Variants in CHODL observed in about 807,000 individuals in gnomAD.
CHODL encodes the protein chondrolectin.
A neutral mutation model predicts 34.5 loss-of-function variants in CHODL; 29 were observed. The observed-to-expected ratio is 0.84, with a 90% confidence interval of 0.63 to 1.15. CHODL has a LOEUF of 1.15. CHODL is among the 50% of genes most tolerant of loss of function. The pLI is 0.00. For synonymous variants in CHODL, 125 were observed against 116.1 expected (o/e 1.08, Z -0.49); for missense variants, 332 against 332.5 (o/e 1.00, Z 0.01).
At chr21:18,084,878 C>T (rs184541862) in intron 2 of CHODL, among the ~76,000 whole-genome samples, 210 of 151,512 alleles carry the variant, frequency 1.4e-3, no homozygotes, top group Non-Finnish European at 2.1e-3. Flanking sequence ...TAAAGTCCCC[C>T]ACTATTATTG....
chr21:18,053,229 G>T (rs1480027557), intron 2 of CHODL, among the ~76,000 whole-genome samples: 1 of 152,026 alleles, frequency 6.6e-6, no homozygotes, highest in East Asian at 1.9e-4. Context: ...TAAGAGGAAA[G>T]ATGTAATACT....
chr21:17,927,059 T>C (rs1187707604), intron 1 of CHODL, among the ~76,000 whole-genome samples: 1 of 150,948 alleles, frequency 6.6e-6, no homozygotes, highest in Non-Finnish European at 1.5e-5. Context: ...TATATGTGTA[T>C]ATGTATGTAT....
chr21:17,987,659 T>TAA (rs1430702457), intron 1 of CHODL, among the ~76,000 whole-genome samples: 2 of 152,156 alleles, frequency 1.3e-5, no homozygotes, highest in East Asian at 3.9e-4. Context: ...CCTGTTTTCT[T>TAA]TGAACACTGA....
At chr21:18,083,112 G>A (rs901082861) in intron 2 of CHODL, among the ~76,000 whole-genome samples, 2 of 152,154 alleles carry the variant, frequency 1.3e-5, no homozygotes, top group African/African-American at 4.8e-5. Flanking sequence ...TCATGGGCTG[G>A]GCCCAGGGCC....
intron 2 of CHODL, among the ~76,000 whole-genome samples, chr21:18,103,515 T>C (rs1255809486): frequency 6.6e-5 from 10 of 152,066 alleles, no homozygotes; most frequent in Non-Finnish European, 1.3e-4. Flanking sequence ...CATTTCATGA[T>C]TTTTTGGGTC....
chr21:18,043,493 G>A (rs544983856), intron 2 of CHODL, among the ~76,000 whole-genome samples: 1 of 151,854 alleles, frequency 6.6e-6, no homozygotes, highest in Non-Finnish European at 1.5e-5. Flanking sequence ...CAGGATGTGT[G>A]GGAGTTCAGA....
chr21:18,001,096 T>C (rs951688236), intron 1 of CHODL, among the ~76,000 whole-genome samples: 5 of 152,166 alleles, frequency 3.3e-5, no homozygotes, highest in South Asian at 2.1e-4. Flanking sequence ...TTTCAAACAC[T>C]GGGCATGGGC....
At chr21:18,142,002 G>C (rs1307550593) in intron 2 of CHODL, among the ~76,000 whole-genome samples, 2 of 152,120 alleles carry the variant, frequency 1.3e-5, no homozygotes, top group Non-Finnish European at 2.9e-5. Context: ...ACTGTTTAAT[G>C]AGTGTTATAA....
chr21:18,141,918 T>G (rs1285607452), intron 2 of CHODL, among the ~76,000 whole-genome samples: 1 of 152,068 alleles, frequency 6.6e-6, no homozygotes, highest in African/African-American at 2.4e-5. Flanking sequence ...TTGATTACTG[T>G]GAACTGACCG....
At chr21:18,218,703 C>A (rs1253566429) in intron 2 of CHODL, among the ~76,000 whole-genome samples, 1 of 152,104 alleles carries the variant, frequency 6.6e-6, no homozygotes, top group Non-Finnish European at 1.5e-5. Flanking sequence ...GCTCTGTTTC[C>A]TCTTGAACAC....
intron 5 of CHODL, among the ~76,000 whole-genome samples, chr21:18,265,192 T>C (rs189400353): frequency 0.013 from 1,854 of 146,674 alleles, 34 homozygotes; most frequent in African/African-American, 0.044. Context: ...TATATATATA[T>C]ACACACACAC....
chr21:18,043,496 A>T (rs1361560410), intron 2 of CHODL, among the ~76,000 whole-genome samples: 1 of 151,958 alleles, frequency 6.6e-6, no homozygotes, highest in African/African-American at 2.4e-5. Context: ...GATGTGTGGG[A>T]GTTCAGAGAG....
At chr21:17,972,362 G>GTCAAATA (rs2063622153) in intron 1 of CHODL, among the ~76,000 whole-genome samples, 1 of 152,150 alleles carries the variant, frequency 6.6e-6, no homozygotes, top group Non-Finnish European at 1.5e-5. Context: ...GTCTCTCTTT[G>GTCAAATA]CAGATGACAT....
intron 2 of CHODL, among the ~76,000 whole-genome samples, chr21:18,192,038 G>A (rs1158809179): frequency 6.6e-6 from 1 of 152,162 alleles, no homozygotes; most frequent in Non-Finnish European, 1.5e-5. Flanking sequence ...GGCAAGTATT[G>A]AGAGAAGGCA....
At chr21:18,245,884 G>T in intron 1 of CHODL, 1 of 1,534,494 alleles carries the variant, frequency 6.5e-7, no homozygotes, top group Non-Finnish European at 8.7e-7. Flanking sequence ...TGCACACTGC[G>T]TTCCAAGTTG....
At chr21:18,127,677 T>TTG (rs1405001410) in intron 2 of CHODL, among the ~76,000 whole-genome samples, 1 of 112,094 alleles carries the variant, frequency 8.9e-6, no homozygotes. Flanking sequence ...CCATTGTTTT[T>TTG]TTTTTTTTTT....
chr21:17,932,693 A>G (rs2063283980), intron 1 of CHODL, among the ~76,000 whole-genome samples: 1 of 152,224 alleles, frequency 6.6e-6, no homozygotes, highest in Non-Finnish European at 1.5e-5. Flanking sequence ...ATTCTAAGTG[A>G]AAAACTGCAA....
At chr21:18,005,570 G>C (rs1334144235) in intron 1 of CHODL, among the ~76,000 whole-genome samples, 1 of 152,166 alleles carries the variant, frequency 6.6e-6, no homozygotes, top group Admixed American at 6.5e-5. Flanking sequence ...AGCAATATTA[G>C]GTTCAGAAGA....
At chr21:18,169,563 A>G (rs892125189) in intron 2 of CHODL, among the ~76,000 whole-genome samples, 2 of 151,946 alleles carry the variant, frequency 1.3e-5, no homozygotes. Flanking sequence ...TCAAAATACA[A>G]CTTCTTTTTA....
Sources: allele counts gnomAD v4.1 joint callset (sites outside exome capture counted in the v4.1 genomes callset), GRCh38; gene constraint gnomAD v4.1.1; transcripts MANE v1.5; gene names NCBI Gene and HGNC (gene_info 2026-07-23, HGNC 2026-07-21).